Variants in ITPR1 observed in about 807,000 individuals in gnomAD.
The protein encoded by ITPR1 is inositol 1,4,5-trisphosphate-gated calcium channel ITPR1.
ITPR1 carries 96 observed loss-of-function variants against 318.4 expected under a neutral mutation model. The ratio of observed to expected loss-of-function variants is 0.30; its 90% CI spans 0.26 to 0.36. The LOEUF (loss-of-function observed/expected upper bound fraction) is 0.36. ITPR1 is among the 10% of genes least tolerant of loss of function. The probability of loss-of-function intolerance (pLI) is 1.00; values close to 1 mark genes in which losing one functional copy is unlikely to be tolerated. For missense variants in ITPR1, 2,440 were observed against 3,460.2 expected, an observed-to-expected ratio of 0.71 and a Z score of 7.40; for synonymous variants, 1,312 against 1,289.9, an observed-to-expected ratio of 1.02 and a Z score of -0.37.
chr3:4,519,652 T>A (rs780213648), intron 3 of ITPR1, among the ~76,000 whole-genome samples: 29 of 152,222 alleles, frequency 1.9e-4, no homozygotes, highest in Non-Finnish European at 3.5e-4. Flanking sequence ...ATATGTATAT[T>A]CTGCTCTTGA....
intron 18 of ITPR1, among the ~76,000 whole-genome samples, chr3:4,668,131 C>T (rs189899841): frequency 6.6e-6 from 1 of 151,764 alleles, no homozygotes; most frequent in Admixed American, 6.6e-5. Context: ...TGTAATTACC[C>T]CATTTACCTA....
chr3:4,803,215 T>G (rs1428814260), intron 54 of ITPR1, among the ~76,000 whole-genome samples: 1 of 152,168 alleles, frequency 6.6e-6, no homozygotes, highest in Non-Finnish European at 1.5e-5. Context: ...CTAAACTATT[T>G]ATGATCCAGT....
At chr3:4,841,738 T>C (rs2051360032) in intron 61 of ITPR1, among the ~76,000 whole-genome samples, 1 of 152,318 alleles carries the variant, frequency 6.6e-6, no homozygotes, top group East Asian at 1.9e-4. Flanking sequence ...GAGGTGGTAA[T>C]TCAGGAGCTT....
Position 4,710,230 on chromosome 3 carries a change from C to A in ITPR1, c.4843-95C>A. 1 of 1,197,640 alleles carries A rather than the reference C, an allele frequency of 8.3e-7. No individual in the cohort carries two copies. Among genetic ancestry groups the A allele is most frequent in the South Asian group, 2.2e-5 (1 of 45,852 alleles). 74.2% of individuals were successfully genotyped at this position (1,197,640 alleles called of 1,614,324 possible). On this transcript the variant is annotated intron_variant, in intron 37 of 61. Coordinates refer to ENST00000649015, the MANE Select transcript of ITPR1 (RefSeq NM_001378452.1). This position sits in a 1 kb window ranked among gnomAD's most constrained non-coding sequence, Gnocchi z 4.2. ...TAAAGTTACTCTAACCTAGCCTACC[C>A]GTGCATCAGTGTTTTAGGGCAGAAA...
intron 60 of ITPR1, among the ~76,000 whole-genome samples, chr3:4,828,022 C>T (rs1431235457): frequency 1.3e-5 from 2 of 152,098 alleles, no homozygotes; most frequent in African/African-American, 4.8e-5. Flanking sequence ...TTGAGTAAAA[C>T]CATTTCAGCT....
At chr3:4,604,709 G>GC (rs1317625638) in intron 4 of ITPR1, among the ~76,000 whole-genome samples, 2 of 152,112 alleles carry the variant, frequency 1.3e-5, no homozygotes, top group African/African-American at 4.8e-5. Context: ...TAGGGGTGGA[G>GC]CTTAGGATCT....
At chr3:4,640,549 T>C (rs761993350) in intron 6 of ITPR1, among the ~76,000 whole-genome samples, 143 of 152,328 alleles carry the variant, frequency 9.4e-4, no homozygotes, top group Admixed American at 2.2e-3. Flanking sequence ...AGTACAGGAC[T>C]TCCTGATTTG....
intron 4 of ITPR1, among the ~76,000 whole-genome samples, chr3:4,541,268 C>T (rs1426876347): frequency 6.6e-6 from 1 of 152,028 alleles, no homozygotes; most frequent in Non-Finnish European, 1.5e-5. Flanking sequence ...TTTGGAGAAT[C>T]TGTTAGTGGT....
intron 2 of ITPR1, among the ~76,000 whole-genome samples, chr3:4,513,559 C>T (rs1332392251): frequency 6.6e-6 from 1 of 152,140 alleles, no homozygotes; most frequent in Non-Finnish European, 1.5e-5. Context: ...TAAAATGTAG[C>T]TAAAGGTTAC....
At chr3:4,775,484 C>T (rs1179498887) in intron 47 of ITPR1, 42 bp downstream of exon 47, 1 of 1,492,738 alleles carries the variant, frequency 6.7e-7, no homozygotes, top group Non-Finnish European at 9.3e-7. Flanking sequence ...AAAAGTGTCC[C>T]ATTTTGGAAA....
rs1370403931 is a variant in ITPR1 at position 4,738,609 on chromosome 3, CTGGGGAGACGATGTCTGTGGCTCT to C, written c.5544+3256_5544+3279del. 7.6e-4 allele frequency among the ~76,000 whole-genome samples: 115 copies of C among 152,186 alleles called. 2 individuals are homozygous for C. Among genetic ancestry groups the C allele is most frequent in the African/African-American group, 2.6e-3 (109 of 41,446 alleles). On this transcript the variant is annotated intron_variant, in intron 44 of 61. Coordinates refer to ENST00000649015, the MANE Select transcript of ITPR1 (RefSeq NM_001378452.1). ...CTGAGGGCCGCCAGCACTGAGGCTC[CTGGGGAGACGATGTCTGTGGCTCT>C]GGTGAGATGCCATGTTTTTCACGGA...
At chr3:4,735,115 A>G in intron 43 of ITPR1, 49 bp from the exon 44 acceptor site, 2 of 1,463,044 alleles carry the variant, frequency 1.4e-6, no homozygotes, top group Non-Finnish European at 1.9e-6. Context: ...TGCAGCAAAC[A>G]TTAGCTGTTC....
intron 5 of ITPR1, among the ~76,000 whole-genome samples, chr3:4,634,133 C>G (rs1462384721): frequency 6.6e-6 from 1 of 151,954 alleles, no homozygotes. Context: ...AGCCCGCAAC[C>G]CATTATTCAA....
At chr3:4,588,234 C>T (rs955500754) in intron 4 of ITPR1, among the ~76,000 whole-genome samples, 1 of 152,140 alleles carries the variant, frequency 6.6e-6, no homozygotes, top group Admixed American at 6.5e-5. Context: ...GCTGCAAAGG[C>T]TTGTTCCTTG....
At chr3:4,578,370 C>T (rs1448612919) in intron 4 of ITPR1, among the ~76,000 whole-genome samples, 1 of 151,932 alleles carries the variant, frequency 6.6e-6, no homozygotes, top group African/African-American at 2.4e-5. Flanking sequence ...GGGAGCGGTT[C>T]GGTTTGACCT....
chr3:4,762,993 G>A (rs62231613), intron 44 of ITPR1, among the ~76,000 whole-genome samples: 2,429 of 152,310 alleles, frequency 0.016, 32 homozygotes, highest in Non-Finnish European at 0.025. Context: ...AAACTATGCA[G>A]CCATAAAATG....
intron 44 of ITPR1, among the ~76,000 whole-genome samples, chr3:4,754,776 C>G (rs758441565): frequency 6.6e-6 from 1 of 152,226 alleles, no homozygotes; most frequent in African/African-American, 2.4e-5. Flanking sequence ...TACCAAGGAG[C>G]TTCCTACCAC....
In ITPR1 at chr3:4,493,444, G is replaced by A. The variant is rs183196616; in HGVS notation, c.-254G>A. 6.5e-6 allele frequency: 1 copy of A among 154,684 alleles called. No homozygotes were observed. The allele number at this position is 154,684 out of a possible 1,614,324, so 9.6% of individuals were successfully genotyped here. A position where few individuals can be genotyped will look rare whatever the true frequency, so the allele number is the denominator to read the frequency against. ...GAGGTGGTGGTGGAGGAGGAGGCAG[G>A]GGGTGGAGAGAGAGAAAGCGCACGC... is the stretch of plus-strand genomic sequence containing the variant. On this transcript the variant is annotated 5_prime_UTR_variant, in exon 1 of 62. Coordinates refer to ENST00000649015, the MANE Select transcript of ITPR1 (RefSeq NM_001378452.1).
At chr3:4,611,332 C>G (rs13322126) in intron 4 of ITPR1, among the ~76,000 whole-genome samples, 22,863 of 150,620 alleles carry the variant, frequency 0.15, 1,823 homozygotes, top group African/African-American at 0.2. Flanking sequence ...GGCCAAGGCG[C>G]GTGGATTACT....
Sources: allele counts gnomAD v4.1 joint callset (sites outside exome capture counted in the v4.1 genomes callset), GRCh38; gene constraint gnomAD v4.1.1; non-coding constraint Gnocchi (gnomAD v3.1); transcripts MANE v1.5; gene names NCBI Gene and HGNC (gene_info 2026-07-23, HGNC 2026-07-21).